ANKS1B: variants seen among roughly 807,000 people sequenced by gnomAD.
ANKS1B encodes ankyrin repeat and sterile alpha motif domain-containing protein 1B.
In ANKS1B, 36 loss-of-function variants were observed where a neutral mutation model predicts 148.3. The observed-to-expected ratio is 0.24, with a 90% confidence interval of 0.19 to 0.32. The LOEUF (loss-of-function observed/expected upper bound fraction) is 0.32. Among genes scored for constraint, ANKS1B ranks in the 10% least tolerant of loss-of-function variants. The pLI, the probability that ANKS1B is intolerant of heterozygous loss-of-function variation, is 1.00. For synonymous variants in ANKS1B, 542 were observed against 560.8 expected, an observed-to-expected ratio of 0.97 and a Z score of 0.47; for missense variants, 1,157 against 1,542.6, an observed-to-expected ratio of 0.75 and a Z score of 4.19.
intron 14 of ANKS1B, among the ~76,000 whole-genome samples, chr12:99,239,736 A>G (rs2172283): frequency 0.2 from 30,803 of 152,202 alleles, 3,372 homozygotes; most frequent in Middle Eastern, 0.29. Context: ...AAACATTACA[A>G]GCAAGAAGAG....
At chr12:98,992,863 C>T (rs527571697) in intron 17 of ANKS1B, among the ~76,000 whole-genome samples, 12 of 152,290 alleles carry the variant, frequency 7.9e-5, no homozygotes, top group South Asian at 2.1e-4. Flanking sequence ...GAAAGCTCCA[C>T]GAGCAAGGAT....
chr12:99,026,198 A>G (rs1470366908), intron 17 of ANKS1B, among the ~76,000 whole-genome samples: 1 of 152,064 alleles, frequency 6.6e-6, no homozygotes, highest in African/African-American at 2.4e-5. Flanking sequence ...TTCATTTTGG[A>G]GCTTTCTAGA....
intron 17 of ANKS1B, among the ~76,000 whole-genome samples, chr12:98,924,769 T>C (rs1271591915): frequency 1.3e-5 from 2 of 152,188 alleles, no homozygotes; most frequent in African/African-American, 4.8e-5. Context: ...GCTGTCTTCT[T>C]CTGTTTTTTA....
intron 9 of ANKS1B, among the ~76,000 whole-genome samples, chr12:99,552,913 A>AG (rs2097236264): frequency 6.6e-6 from 1 of 152,222 alleles, no homozygotes; most frequent in Non-Finnish European, 1.5e-5. Flanking sequence ...ATGAGAAAAA[A>AG]GTCTGTACAT....
chr12:99,446,163 C>T lies in ANKS1B; in HGVS notation c.1439-2354G>A, dbSNP rs59159629. 8.6e-3 allele frequency among the ~76,000 whole-genome samples: 1,289 copies of T among 150,610 alleles called. 18 individuals are homozygous for T. The highest frequency in any genetic ancestry group is 0.029 in the African/African-American group (1,204 of 41,132). On this transcript the variant is annotated intron_variant, in intron 10 of 26. Transcript: ENST00000683438. ...GGGAGTAATCAGACTATGGCTTGGA[C>T]AGAAGATAGCTGTGAAAGGCTTCAG...
chr12:99,577,697 T>C (rs2097531986), intron 9 of ANKS1B, among the ~76,000 whole-genome samples: 1 of 151,968 alleles, frequency 6.6e-6, no homozygotes, highest in African/African-American at 2.4e-5. Context: ...AACACATCTA[T>C]AAGGAGTTCC....
chr12:99,899,400 G>A (rs1345556068), intron 1 of ANKS1B, among the ~76,000 whole-genome samples: 1 of 152,070 alleles, frequency 6.6e-6, no homozygotes, highest in African/African-American at 2.4e-5. Context: ...CCTAAATTTA[G>A]TGAGGTATGT....
At chr12:99,056,621 T>G (rs2040294299) in intron 16 of ANKS1B, among the ~76,000 whole-genome samples, 1 of 152,224 alleles carries the variant, frequency 6.6e-6, no homozygotes, top group South Asian at 2.1e-4. Context: ...CAAGGCCGAT[T>G]GAGATTAGCC....
intron 17 of ANKS1B, chr12:98,895,308 C>T: frequency 9.1e-6 from 9 of 985,254 alleles, no homozygotes; most frequent in South Asian, 4.7e-5. Flanking sequence ...CTCGCTCCTC[C>T]GCCGCCCCCT....
intron 15 of ANKS1B, among the ~76,000 whole-genome samples, chr12:99,101,263 T>A (rs557283347): frequency 2.6e-5 from 4 of 152,134 alleles, no homozygotes; most frequent in Non-Finnish European, 5.9e-5. Flanking sequence ...CCAGTGGCTA[T>A]CTGAAGTGTG....
intron 9 of ANKS1B, among the ~76,000 whole-genome samples, chr12:99,619,400 A>G (rs926079050): frequency 6.6e-6 from 1 of 151,964 alleles, no homozygotes; most frequent in African/African-American, 2.4e-5. Context: ...GATTCACATG[A>G]AACAGCAGCC....
At chr12:98,923,461 G>T (rs748857468) in intron 17 of ANKS1B, among the ~76,000 whole-genome samples, 1 of 152,176 alleles carries the variant, frequency 6.6e-6, no homozygotes, top group Non-Finnish European at 1.5e-5. Context: ...GTGAAGGGAG[G>T]CTTTGGTTTG....
chr12:99,426,008 C>T (rs2095247126), intron 11 of ANKS1B, among the ~76,000 whole-genome samples: 2 of 152,196 alleles, frequency 1.3e-5, no homozygotes, highest in Admixed American at 1.3e-4. Flanking sequence ...GAAATATTGA[C>T]AGTGTGTGTC....
chr12:99,573,371 G>C (rs1432687608), intron 9 of ANKS1B, among the ~76,000 whole-genome samples: 1 of 151,956 alleles, frequency 6.6e-6, no homozygotes, highest in Non-Finnish European at 1.5e-5. Context: ...TGAGATGATT[G>C]ATTTTTTTAA....
chr12:99,337,000 T>A (rs921647932), intron 12 of ANKS1B, among the ~76,000 whole-genome samples: 6 of 152,190 alleles, frequency 3.9e-5, no homozygotes, highest in Admixed American at 6.5e-5. Context: ...TTGAATTGAA[T>A]CTGCTTGGTA....
chr12:99,025,485 C>T (rs776992551), intron 17 of ANKS1B, among the ~76,000 whole-genome samples: 8 of 152,130 alleles, frequency 5.3e-5, no homozygotes, highest in Non-Finnish European at 1.2e-4. Flanking sequence ...AGACCTTGTA[C>T]AATTGGGGAA....
intron 9 of ANKS1B, among the ~76,000 whole-genome samples, chr12:99,647,350 G>A (rs1195301114): frequency 6.6e-6 from 1 of 152,134 alleles, no homozygotes; most frequent in Non-Finnish European, 1.5e-5. Flanking sequence ...CACTAATGCT[G>A]TTTATAATTT....
rs185500142 is a variant in ANKS1B, at chr12:99,111,432, C to T, written c.2527-26409G>A. On this transcript the variant is annotated intron_variant, in intron 15 of 26. Coordinates refer to ENST00000683438, the MANE Select transcript of ANKS1B (RefSeq NM_001352186.2). ...GTGTCCTCATAGCTTTCTATTTTGGCTTTGCATCCAGAGAAATGAAAGAGG... is the reference window on the plus strand; with the variant it reads ...GTGTCCTCATAGCTTTCTATTTTGGTTTTGCATCCAGAGAAATGAAAGAGG... 3.5e-3 allele frequency among the ~76,000 whole-genome samples: 527 copies of T among 152,234 alleles called. 3 individuals carry two copies. Among genetic ancestry groups the T allele is most frequent in the African/African-American group, 0.012 (508 of 41,530 alleles).
At chr12:99,856,269 A>C (rs1391119318) in intron 1 of ANKS1B, among the ~76,000 whole-genome samples, 3 of 152,182 alleles carry the variant, frequency 2.0e-5, no homozygotes, top group Non-Finnish European at 2.9e-5. Flanking sequence ...AGATCATCCA[A>C]GGCTACTATG....
Sources: allele counts gnomAD v4.1 joint callset (sites outside exome capture counted in the v4.1 genomes callset), GRCh38; gene constraint gnomAD v4.1.1; transcripts MANE v1.5; gene names NCBI Gene and HGNC (gene_info 2026-07-23, HGNC 2026-07-21).